The following ADAM9 variants were observed in gnomAD, a reference collection of about 807,000 sequenced individuals.
ADAM9 encodes the protein disintegrin and metalloproteinase domain-containing protein 9.
Under a neutral mutation model 108.1 loss-of-function variants are expected in ADAM9, and 54 were observed. That is an observed-to-expected ratio of 0.50 (90% CI 0.40 to 0.63). The LOEUF is 0.63. ADAM9 is among the 20% of genes least tolerant of loss of function. The pLI is 0.00. For missense variants in ADAM9, 830 were observed against 997.7 expected (o/e 0.83, Z 2.26); for synonymous variants, 316 against 336.0 (o/e 0.94, Z 0.65).
intron 2 of ADAM9, among the ~76,000 whole-genome samples, chr8:39,008,595 G>A (rs1316542740): frequency 3.3e-5 from 5 of 152,056 alleles, no homozygotes; most frequent in Non-Finnish European, 1.5e-5. Context: ...GACAGGCAAT[G>A]GTCACAGTGA....
intron 20 of ADAM9, among the ~76,000 whole-genome samples, chr8:39,095,817 T>C (rs1481082630): frequency 6.6e-6 from 1 of 152,202 alleles, no homozygotes; most frequent in Non-Finnish European, 1.5e-5. Flanking sequence ...TGGCTGCATA[T>C]GTATTTACAG....
chr8:39,046,960 G>A (rs1837794617), intron 12 of ADAM9, among the ~76,000 whole-genome samples: 1 of 151,980 alleles, frequency 6.6e-6, no homozygotes, highest in African/African-American at 2.4e-5. Context: ...GTAGAGAAGG[G>A]GTTTTGCTAC....
intron 1 of ADAM9, among the ~76,000 whole-genome samples, chr8:38,998,396 AT>A (rs34340783): frequency 0.3 from 45,579 of 151,714 alleles, 7,049 homozygotes; most frequent in Non-Finnish European, 0.35. Flanking sequence ...TTAATCTGTG[AT>A]TTTTTTTTGT....
At chr8:39,084,791 T>C (rs555621423) in intron 18 of ADAM9, among the ~76,000 whole-genome samples, 1 of 152,254 alleles carries the variant, frequency 6.6e-6, no homozygotes, top group East Asian at 1.9e-4. Context: ...GAGAGGAATA[T>C]TGAGTTCTTT....
At chr8:39,045,122 G>GTGTGCATACATACATATGTGTGTATATA (rs1837625776) in intron 12 of ADAM9, among the ~76,000 whole-genome samples, 1 of 67,882 alleles carries the variant, frequency 1.5e-5, no homozygotes, top group Non-Finnish European at 2.7e-5. Context: ...ACATATGTGT[G>GTGTGCATACATACATATGTGTGTATATA]TGTGCATACA....
chr8:39,080,867 G>T (rs1838999157), intron 16 of ADAM9, among the ~76,000 whole-genome samples: 1 of 151,608 alleles, frequency 6.6e-6, no homozygotes. Context: ...TTGCTGCGTG[G>T]TGGTTGTTGG....
In ADAM9 at chr8:39,104,952, A is replaced by G. The variant is rs1261300142; in HGVS notation, c.*1252A>G. The G allele has an allele frequency of 2.3e-6, 1 of 427,360 alleles. No individual in the cohort carries two copies. Among genetic ancestry groups the G allele is most frequent in the East Asian group, 7.0e-5 (1 of 14,208 alleles). The allele number at this position is 427,360 out of a possible 1,614,324, so 26.5% of individuals were successfully genotyped here. A position where few individuals can be genotyped will look rare whatever the true frequency, so the allele number is the denominator to read the frequency against. On this transcript the variant is annotated 3_prime_UTR_variant, in exon 22 of 22. Transcript: ENST00000487273. Reference sequence around the variant, plus strand: ...AAAAGTGTTTTTGGTTTGTGTATATATACATATACAAATACAACATTTACA... The same window carrying G: ...AAAAGTGTTTTTGGTTTGTGTATATGTACATATACAAATACAACATTTACA...
At chr8:39,008,189 A>G (rs1836226904) in intron 2 of ADAM9, among the ~76,000 whole-genome samples, 1 of 151,548 alleles carries the variant, frequency 6.6e-6, no homozygotes, top group Non-Finnish European at 1.5e-5. Context: ...TTTTTTTTAA[A>G]ATGGAGTCTT....
At chr8:39,014,255 T>C in intron 4 of ADAM9, 1 of 572,980 alleles carries the variant, frequency 1.7e-6, no homozygotes, top group Non-Finnish European at 3.1e-6. Context: ...GTTAAGGTTT[T>C]TTTTTTAAAG....
In ADAM9 at chr8:39,101,788, T is replaced by A. The variant is rs189291520; in HGVS notation, c.2299-75T>A. ...GTAGTCTGTTTATTGATTTTAAATA[T>A]GTAGATTTCTTCTATTTAGAAATCA... On this transcript the variant is annotated intron_variant, in intron 20 of 21. Coordinates refer to ENST00000487273, the MANE Select transcript of ADAM9 (RefSeq NM_003816.3). 4.3e-3 allele frequency: 4,925 copies of A among 1,152,194 alleles called. 19 individuals carry two copies. The highest frequency in any genetic ancestry group is 5.5e-3 in the Non-Finnish European group (4,296 of 782,568). The allele number at this position is 1,152,194 out of a possible 1,614,324, so 71.4% of individuals were successfully genotyped here. A position where few individuals can be genotyped will look rare whatever the true frequency, so the allele number is the denominator to read the frequency against.
chr8:39,044,711 T>C (rs1837560038), intron 12 of ADAM9, among the ~76,000 whole-genome samples: 1 of 152,198 alleles, frequency 6.6e-6, no homozygotes, highest in Admixed American at 6.5e-5. Flanking sequence ...CCCATGCTTA[T>C]AAGTGAGAAT....
chr8:39,074,658 G>A (rs1029727516), intron 15 of ADAM9, among the ~76,000 whole-genome samples: 4 of 151,572 alleles, frequency 2.6e-5, no homozygotes, highest in Non-Finnish European at 4.4e-5. Context: ...TTTTATAGCC[G>A]GCATTTTCCA....
chr8:39,065,538 T>C (rs1838434541), intron 14 of ADAM9, among the ~76,000 whole-genome samples: 1 of 151,652 alleles, frequency 6.6e-6, no homozygotes, highest in African/African-American at 2.4e-5. Context: ...CAGGCGCCTG[T>C]ATTCCCAGCT....
At position 39,103,546 on chromosome 8, in the gene ADAM9, G is replaced by C. The variant is rs1179165110; in HGVS notation, c.2367-61G>C. ...GATGGTGTTATGTTGAGCTTGTAATGAATATGGCATTATTTCACCCAGTCT... is the reference window on the plus strand; with the variant it reads ...GATGGTGTTATGTTGAGCTTGTAATCAATATGGCATTATTTCACCCAGTCT... On this transcript the variant is annotated intron_variant, in intron 21 of 21. Transcript: ENST00000487273. 3 of 1,479,644 alleles carry C rather than the reference G, an allele frequency of 2.0e-6. No individual in the cohort carries two copies. The East Asian group carries it at 6.8e-5, about 33-fold the overall frequency. The allele number at this position is 1,479,644 out of a possible 1,614,324, so 91.7% of individuals were successfully genotyped here. A position where few individuals can be genotyped will look rare whatever the true frequency, so the allele number is the denominator to read the frequency against.
intron 1 of ADAM9, among the ~76,000 whole-genome samples, chr8:38,998,639 C>T (rs1226303860): frequency 6.6e-6 from 1 of 152,072 alleles, no homozygotes; most frequent in Non-Finnish European, 1.5e-5. Context: ...ATGCTAAGCG[C>T]ATCTGAGAGA....
chr8:39,073,894 C>G (rs990485107), intron 15 of ADAM9, among the ~76,000 whole-genome samples: 3 of 152,140 alleles, frequency 2.0e-5, no homozygotes, highest in Non-Finnish European at 4.4e-5. Context: ...AAGTTAGACT[C>G]TTTGGATTTG....
At chr8:39,044,208 G>C (rs1162727311) in intron 12 of ADAM9, among the ~76,000 whole-genome samples, 1 of 152,112 alleles carries the variant, frequency 6.6e-6, no homozygotes, top group East Asian at 1.9e-4. Flanking sequence ...TCTTCTAAGA[G>C]TTTTACTGTT....
rs768208256 is a variant in ADAM9 at position 39,090,196 on chromosome 8, G to A, written c.2210+8G>A. The stretch of plus-strand genomic sequence containing the variant: ...GAGATCACAAACATATGAGTACTTA[G>A]ATTTTTTTCTTTTAATTCCTATATT... On this transcript the variant is annotated splice_region_variant and intron_variant, in intron 19 of 21. Coordinates refer to ENST00000487273, the MANE Select transcript of ADAM9 (RefSeq NM_003816.3). The A allele has an allele frequency of 6.2e-7, 1 of 1,609,506 alleles. No individual in the cohort carries two copies. The highest frequency in any genetic ancestry group is 8.5e-7 in the Non-Finnish European group (1 of 1,177,430).
At chr8:39,038,095 A>G (rs1837342641) in intron 11 of ADAM9, among the ~76,000 whole-genome samples, 1 of 152,116 alleles carries the variant, frequency 6.6e-6, no homozygotes, top group Non-Finnish European at 1.5e-5. Context: ...CCACTGTTTC[A>G]TTTTGGTCCA....
Sources: allele counts gnomAD v4.1 joint callset (sites outside exome capture counted in the v4.1 genomes callset), GRCh38; gene constraint gnomAD v4.1.1; transcripts MANE v1.5; gene names NCBI Gene and HGNC (gene_info 2026-07-23, HGNC 2026-07-21).